Variants in C17orf99 observed in about 807,000 individuals in gnomAD.
The protein encoded by C17orf99 is protein IL-40.
C17orf99 carries 18 observed loss-of-function variants against 22.6 expected under a neutral mutation model. The ratio of observed to expected loss-of-function variants is 0.80; its 90% confidence interval spans 0.55 to 1.18. The LOEUF is 1.18. Ranked by LOEUF, C17orf99 falls within the 50% of genes most tolerant of loss-of-function variation. The pLI is 0.00. For synonymous variants in C17orf99, 147 were observed against 136.6 expected (o/e 1.08, Z -0.53); for missense variants, 328 against 342.7 (o/e 0.96, Z 0.34).
At chr17:78,160,653 T>TG in intron 2 of C17orf99, 1 of 358,788 alleles carries the variant, frequency 2.8e-6, no homozygotes, top group South Asian at 3.7e-5. Flanking sequence ...CTCGGCTCAC[T>TG]GCCACCTGCC....
intron 2 of C17orf99, among the ~76,000 whole-genome samples, chr17:78,151,423 C>CAAAA (rs35828431): frequency 2.1e-3 from 115 of 55,758 alleles, no homozygotes; most frequent in Middle Eastern, 0.011. Context: ...GACTCTGTCT[C>CAAAA]AAAAAAAAAA....
rs2075534910 is a variant in C17orf99 at position 78,157,377 on chromosome 17, A to G, written c.71-3578A>G. The G allele has an allele frequency of 5.4e-6, 6 of 1,110,318 alleles. No individual in the cohort carries two copies. In the South Asian group the frequency reaches 7.8e-5, roughly 14 times the overall value. 68.8% of individuals were successfully genotyped at this position (1,110,318 alleles called of 1,614,324 possible). On this transcript the variant is annotated intron_variant, in intron 2 of 4. Transcript: ENST00000340363. ...GCTCGGAGGCTCACAGCCAGTGGAC[A>G]GGGTTGAGTCAGTGAGTTCGTGCGA...
rs577585147 is a variant in C17orf99 at position 78,155,592 on chromosome 17, C to T, written c.71-5363C>T. 4.4e-4 allele frequency among the ~76,000 whole-genome samples: 67 copies of T among 152,078 alleles called. 1 individual carries two copies. The South Asian group carries it at 0.013, about 30-fold the overall frequency. ...TTGGCCTCCCAAAGTGCTGGTATTA[C>T]GGGCCTGAGCTACTGTGCCCACCTG... On this transcript the variant is annotated intron_variant, in intron 2 of 4. Coordinates refer to ENST00000340363, the MANE Select transcript of C17orf99 (RefSeq NM_001163075.2).
At chr17:78,146,254 C>T (rs1215146917), upstream of C17orf99, 1 of 616,620 alleles carries the variant, frequency 1.6e-6, no homozygotes, top group African/African-American at 1.8e-5. This position sits in a 1 kb window ranked among gnomAD's most constrained non-coding sequence, Gnocchi z 5.2. Flanking sequence ...CTGGGCCCCG[C>T]CCTGGTAGCT....
chr17:78,157,378 G>T, intron 2 of C17orf99: 1 of 1,140,010 alleles, frequency 8.8e-7, no homozygotes, highest in Non-Finnish European at 1.2e-6. Flanking sequence ...CCAGTGGACA[G>T]GGTTGAGTCA....
chr17:78,151,633 G>T (rs12601492), intron 2 of C17orf99, among the ~76,000 whole-genome samples: 49,009 of 151,588 alleles, frequency 0.32, 8,218 homozygotes, highest in Middle Eastern at 0.53. Context: ...CCATTCTCCC[G>T]GTGTGTGTCT....
intron 3 of C17orf99, among the ~76,000 whole-genome samples, chr17:78,163,737 A>G (rs1026692538): frequency 6.6e-6 from 1 of 152,158 alleles, no homozygotes; most frequent in Non-Finnish European, 1.5e-5. Context: ...GTGGTGGTGC[A>G]CACCTGTAGT....
chr17:78,151,423 CAAAAAA>C lies in C17orf99; in HGVS notation c.70+4530_70+4535del, dbSNP rs35828431. Among the ~76,000 whole-genome samples the C allele has an allele frequency of 8.9e-3, 501 of 56,176 alleles. 2 individuals are homozygous for C. Among genetic ancestry groups the C allele is most frequent in the Middle Eastern group, 0.022 (2 of 92 alleles). The allele number at this position is 56,176 out of a possible 152,430, so 36.9% of individuals were successfully genotyped here. On this transcript the variant is annotated intron_variant, in intron 2 of 4. Transcript: ENST00000340363. Reference sequence around the variant, plus strand: ...TGAGCGACAGAGCAAGACTCTGTCTCAAAAAAAAAAAAAAAAAAAAAAAGCAAAAGA... The same window carrying C: ...TGAGCGACAGAGCAAGACTCTGTCTCAAAAAAAAAAAAAAAAAGCAAAAGA...
intron 2 of C17orf99, chr17:78,158,082 G>A (rs374583953): frequency 1.9e-5 from 19 of 1,025,750 alleles, no homozygotes; most frequent in Middle Eastern, 4.5e-4. Flanking sequence ...GAGGACTTTC[G>A]TCTGCATGAG....
At chr17:78,164,690 G>A (rs1447388190) in intron 4 of C17orf99, 9 of 1,395,742 alleles carry the variant, frequency 6.4e-6, no homozygotes, top group Non-Finnish European at 7.6e-6. Context: ...GATGCAGGGA[G>A]GAGGGAGAGC....
chr17:78,146,794 T>C lies in C17orf99; in HGVS notation c.38-85T>C. 7.5e-7 allele frequency: 1 copy of C among 1,333,004 alleles called. No homozygotes were observed. The highest frequency in any genetic ancestry group is 1.1e-6 in the Non-Finnish European group (1 of 950,180). 82.6% of individuals were successfully genotyped at this position (1,333,004 alleles called of 1,614,324 possible). On this transcript the variant is annotated intron_variant, in intron 1 of 4. Coordinates refer to ENST00000340363, the MANE Select transcript of C17orf99 (RefSeq NM_001163075.2). This position sits in a 1 kb window ranked among gnomAD's most constrained non-coding sequence, Gnocchi z 5.2. Reference sequence around the variant, plus strand: ...CAAGAATCAGCCTGCTCCTCCCTCCTGGCTTCAGCAGGTGGGTCTCGAGGC... The same window carrying C: ...CAAGAATCAGCCTGCTCCTCCCTCCCGGCTTCAGCAGGTGGGTCTCGAGGC...
chr17:78,161,423 CT>C (rs2075575857), intron 3 of C17orf99, among the ~76,000 whole-genome samples, 169 bp downstream of exon 3: 1 of 152,172 alleles, frequency 6.6e-6, no homozygotes, highest in African/African-American at 2.4e-5. Flanking sequence ...CCCTTGGGGC[CT>C]TTAATCAGGA....
intron 2 of C17orf99, chr17:78,160,105 T>A (rs1297187698): frequency 6.6e-6 from 3 of 456,294 alleles, no homozygotes; most frequent in Non-Finnish European, 1.3e-5. Flanking sequence ...TTGAGTCATA[T>A]GGTAAGTCTG....
intron 2 of C17orf99, among the ~76,000 whole-genome samples, chr17:78,147,379 C>T (rs529772413): frequency 6.6e-6 from 1 of 152,290 alleles, no homozygotes; most frequent in South Asian, 2.1e-4. Context: ...GAAGTTAAGG[C>T]TCCCCCAGGG....
Position 78,146,645 on chromosome 17 carries a change from A to C in C17orf99, c.37+201A>C, listed in dbSNP as rs1406594063. Among the ~76,000 whole-genome samples the C allele has an allele frequency of 3.9e-5, 6 of 152,026 alleles. No individual in the cohort carries two copies. Among genetic ancestry groups the C allele is most frequent in the Admixed American group, 2.0e-4 (3 of 15,266 alleles). ...GTATATGTGGTCCAGGGATTTCTGC[A>C]CCATTCTGGGCTCACTACTTACCCA... On this transcript the variant is annotated intron_variant, in intron 1 of 4. Transcript: ENST00000340363. This position sits in a 1 kb window ranked among gnomAD's most constrained non-coding sequence, Gnocchi z 5.2.
rs1429027732 is a variant in C17orf99, at chr17:78,164,371, G to A, written c.640+7G>A. The A allele has an allele frequency of 6.4e-7, 1 of 1,551,342 alleles. No individual in the cohort carries two copies. ...CTCACAGTGGTGCCCCCAGGTGAGA[G>A]GGCCCTTGGATTTCCAGAGGGGCAG... On this transcript the variant is annotated splice_region_variant and intron_variant, in intron 4 of 4. Coordinates refer to ENST00000340363, the MANE Select transcript of C17orf99 (RefSeq NM_001163075.2).
intron 2 of C17orf99, chr17:78,157,419 C>T (rs1367354055): frequency 3.9e-6 from 5 of 1,297,074 alleles, no homozygotes; most frequent in Non-Finnish European, 5.3e-6. Flanking sequence ...ATCGAAGCCT[C>T]TTAAAATGGC....
Position 78,165,948 on chromosome 17 carries a change from C to A in C17orf99, c.700C>A (p.Pro234Thr), listed in dbSNP as rs200942539. 5.9e-5 allele frequency: 87 copies of A among 1,485,580 alleles called. No homozygotes were observed. In the Middle Eastern group the frequency reaches 9.4e-4, roughly 16 times the overall value. The allele number at this position is 1,485,580 out of a possible 1,614,324, so 92.0% of individuals were successfully genotyped here. A position where few individuals can be genotyped will look rare whatever the true frequency, so the allele number is the denominator to read the frequency against. Residue 234 changes from proline to threonine, a missense_variant, in exon 5 of 5, where the codon CCG becomes ACG. Coordinates refer to ENST00000340363, the MANE Select transcript of C17orf99 (RefSeq NM_001163075.2). ...CCTGGAGAGCCCCATCCTTGCCTTGCCGCTCTACAGGAGCACCCGCCGTCT... is the reference window on the plus strand; with the variant it reads ...CCTGGAGAGCCCCATCCTTGCCTTGACGCTCTACAGGAGCACCCGCCGTCT... ...GPLESPILAL[P>T]LYRSTRRLSE...
Position 78,165,995 on chromosome 17 carries a change from G to A in C17orf99, c.747G>A (p.Gly249=), listed in dbSNP as rs549659332. ...GTCTGAGTGAAGAGGAGTTTGGGGG[G>A]TTCAGGATAGGGAATGGGGAGGTCA... ...TRRLSEEEFG[G]FRIGNGEVRG... is the part of the protein sequence containing the mutation. Residue 249 remains glycine (G), a synonymous_variant, in exon 5 of 5, where the codon GGG becomes GGA. Coordinates refer to ENST00000340363, the MANE Select transcript of C17orf99 (RefSeq NM_001163075.2). The A allele has an allele frequency of 6.7e-7, 1 of 1,493,610 alleles. No homozygotes were observed. The highest frequency in any genetic ancestry group is 1.3e-5 in the South Asian group (1 of 74,392). 92.5% of individuals were successfully genotyped at this position (1,493,610 alleles called of 1,614,324 possible). A position where few individuals can be genotyped will look rare whatever the true frequency, so the allele number is the denominator to read the frequency against.
Sources: gnomAD v4.1 joint callset for allele counts (sites outside exome capture counted in the v4.1 genomes callset) on GRCh38, gnomAD v4.1.1 for gene constraint, Gnocchi (gnomAD v3.1) non-coding constraint, MANE v1.5 for transcripts, NCBI Gene and HGNC (gene_info 2026-07-23, HGNC 2026-07-21) for gene names.